POLR2B: variants seen among roughly 807,000 people sequenced by gnomAD.
The protein encoded by POLR2B is RNA polymerase II subunit B.
A neutral mutation model predicts 144.6 loss-of-function variants in POLR2B; 57 were observed. The observed-to-expected ratio is 0.39, with a 90% confidence interval of 0.32 to 0.49. The LOEUF (loss-of-function observed/expected upper bound fraction) is 0.49, where lower values mean the gene tolerates loss of function less well. POLR2B is among the 20% of genes least tolerant of loss of function. POLR2B has a pLI of 0.83. For missense variants in POLR2B, 595 were observed against 1,467.4 expected, an observed-to-expected ratio of 0.41 and a Z score of 9.71; for synonymous variants, 442 against 469.8, an observed-to-expected ratio of 0.94 and a Z score of 0.77.
intron 13 of POLR2B, among the ~76,000 whole-genome samples, chr4:57,014,715 A>G (rs1723311723): frequency 6.9e-6 from 1 of 145,574 alleles, no homozygotes; most frequent in African/African-American, 2.6e-5. Flanking sequence ...CGTGTTAGCT[A>G]GGATGGTCTC....
At position 57,017,363 on chromosome 4, in the gene POLR2B, G is replaced by C; in HGVS notation, c.2154+122G>C. ...TAATGAAAAGGCTATTAACTCCTAC[G>C]GAATCAGTATTTGATATAATTGCTG... On this transcript the variant is annotated intron_variant, in intron 15 of 24. Transcript: ENST00000314595. The surrounding 1 kb of genome is among the most constrained non-coding windows in gnomAD (Gnocchi z 4.8). The C allele has an allele frequency of 1.2e-6, 1 of 805,624 alleles. No individual in the cohort carries two copies. Among genetic ancestry groups the C allele is most frequent in the South Asian group, 1.7e-5 (1 of 58,456 alleles). The allele number at this position is 805,624 out of a possible 1,614,324, so 49.9% of individuals were successfully genotyped here.
intron 7 of POLR2B, chr4:57,002,657 A>G (rs1017009724): frequency 6.6e-6 from 1 of 151,888 alleles, no homozygotes; most frequent in African/African-American, 2.4e-5. Flanking sequence ...CTTTGTTTCC[A>G]TGATTGGAAT....
intron 7 of POLR2B, among the ~76,000 whole-genome samples, chr4:57,004,708 G>A (rs1263215300): frequency 3.3e-5 from 5 of 151,958 alleles, no homozygotes; most frequent in African/African-American, 4.8e-5. Context: ...CTTTTGAGAC[G>A]GTGTCTCACT....
intron 4 of POLR2B, 26 bp downstream of exon 4, chr4:56,994,542 C>T (rs560279188): frequency 6.8e-7 from 1 of 1,460,592 alleles, no homozygotes; most frequent in African/African-American, 1.4e-5. Flanking sequence ...TCCTTGTCAG[C>T]AGTAGATACT....
intron 1 of POLR2B, among the ~76,000 whole-genome samples, chr4:56,982,161 T>G (rs960927880): frequency 9.9e-5 from 15 of 152,138 alleles, no homozygotes; most frequent in African/African-American, 3.6e-4. Context: ...ACTAGCCAAC[T>G]AGGATATCTC....
At chr4:57,022,898 A>G (rs983539867) in intron 18 of POLR2B, among the ~76,000 whole-genome samples, 1 of 152,208 alleles carries the variant, frequency 6.6e-6, no homozygotes, top group Non-Finnish European at 1.5e-5. Flanking sequence ...AGTGGAGTTA[A>G]GATTGAGTTA....
In POLR2B at chr4:57,005,607, G is replaced by C; in HGVS notation, c.1105G>C (p.Val369Leu). ...CTTTTTTTTTTTTTAAAGATACATG[G>C]TTCATAGGTTACTTCTGGCAGCTTT... Reference protein sequence around the residue: ...TKKAYFLGYMVHRLLLAALGR... With the variant: ...TKKAYFLGYMLHRLLLAALGR... Residue 369 changes from valine (V) to leucine (L), a missense_variant, in exon 9 of 25, where the codon GTT (valine) becomes CTT (leucine). By Grantham distance (32) the Val-to-Leu change is conservative. Around this residue, in one of 9 missense-constraint regions of POLR2B, gnomAD observed 251 missense variants for 567.3 expected, o/e 0.44. Coordinates refer to ENST00000314595, the MANE Select transcript of POLR2B (RefSeq NM_000938.3). The C allele has an allele frequency of 6.3e-7, 1 of 1,592,246 alleles. No homozygotes were observed. Among genetic ancestry groups the C allele is most frequent in the Non-Finnish European group, 8.6e-7 (1 of 1,168,284 alleles).
At chr4:57,022,034 C>T in intron 17 of POLR2B, 118 bp from the exon 18 acceptor site, 1 of 624,926 alleles carries the variant, frequency 1.6e-6, no homozygotes, top group African/African-American at 1.8e-5. Flanking sequence ...TTACTCTTGT[C>T]CCAGATTCGT....
chr4:57,028,138 T>C (rs1258202476), intron 23 of POLR2B, among the ~76,000 whole-genome samples: 1 of 152,246 alleles, frequency 6.6e-6, no homozygotes, highest in East Asian at 1.9e-4. Context: ...TCATGGGTGT[T>C]AACATGTTGA....
intron 4 of POLR2B, 45 bp from the exon 5 acceptor site, chr4:56,994,602 A>T (rs1722620460): frequency 6.8e-7 from 1 of 1,468,632 alleles, no homozygotes. Context: ...ATTTGTTTTA[A>T]CAGATACCCT....
intron 10 of POLR2B, 53 bp from the exon 11 acceptor site, chr4:57,010,308 T>C: frequency 1.3e-6 from 2 of 1,529,430 alleles, no homozygotes; most frequent in Non-Finnish European, 1.8e-6. Flanking sequence ...CTCAGTGTAA[T>C]AGTATGAATC....
chr4:56,995,005 G>A (rs1453039386), intron 5 of POLR2B, 139 bp downstream of exon 5: 1 of 663,650 alleles, frequency 1.5e-6, no homozygotes, highest in African/African-American at 1.8e-5. Context: ...TTTAGGGTAT[G>A]ACAGCTAAAC....
At chr4:56,994,592 ATTTGT>A (rs899217148) in intron 4 of POLR2B, 50 bp from the exon 5 acceptor site, 48 of 1,457,928 alleles carry the variant, frequency 3.3e-5, no homozygotes, top group Non-Finnish European at 4.3e-5. Context: ...CCACTTGAGG[ATTTGT>A]TTTAACAGAT....
At chr4:56,985,751 A>C (rs1722304349) in intron 1 of POLR2B, among the ~76,000 whole-genome samples, 1 of 152,128 alleles carries the variant, frequency 6.6e-6, no homozygotes, top group Non-Finnish European at 1.5e-5. Flanking sequence ...ACATGACAGA[A>C]ACTTCATTGC....
intron 1 of POLR2B, among the ~76,000 whole-genome samples, chr4:56,980,981 T>A (rs1722140096): frequency 6.6e-6 from 1 of 151,956 alleles, no homozygotes. Flanking sequence ...ATTTTAGTAT[T>A]TTTAGTAGAG....
intron 7 of POLR2B, chr4:57,002,633 G>A (rs982502758): frequency 3.3e-5 from 5 of 151,908 alleles, no homozygotes; most frequent in African/African-American, 1.2e-4. Flanking sequence ...TGGTTGACAT[G>A]GCCTTTTTCT....
intron 13 of POLR2B, among the ~76,000 whole-genome samples, chr4:57,012,574 C>T (rs1412317787): frequency 6.6e-6 from 1 of 152,178 alleles, no homozygotes; most frequent in Non-Finnish European, 1.5e-5. Flanking sequence ...ACACGCTTAG[C>T]CAGTAGCTGG....
intron 16 of POLR2B, among the ~76,000 whole-genome samples, chr4:57,019,121 G>A (rs923221684): frequency 2.0e-5 from 3 of 152,162 alleles, no homozygotes; most frequent in Non-Finnish European, 4.4e-5. Context: ...GGTTCCTCTT[G>A]TCTAGAAAAG....
Position 57,017,772 on chromosome 4 carries a change from T to C in POLR2B, c.2323+44T>C. On this transcript the variant is annotated intron_variant, in intron 16 of 24. Transcript: ENST00000314595. This position sits in a 1 kb window ranked among gnomAD's most constrained non-coding sequence, Gnocchi z 4.8. ...TACGTTATTTAAGATCCTTCTGTGC[T>C]TAAGGCACTTTTCTGGGTGCTTGGG... 6.8e-7 allele frequency: 1 copy of C among 1,474,840 alleles called. No homozygotes were observed. 91.4% of individuals were successfully genotyped at this position (1,474,840 alleles called of 1,614,324 possible).
Sources: allele counts gnomAD v4.1 joint callset (sites outside exome capture counted in the v4.1 genomes callset), GRCh38; gene constraint gnomAD v4.1.1; regional missense constraint gnomAD v4.1.1; non-coding constraint Gnocchi (gnomAD v3.1); transcripts MANE v1.5; gene names NCBI Gene and HGNC (gene_info 2026-07-23, HGNC 2026-07-21).